CHIA: variants seen among roughly 807,000 people sequenced by gnomAD.
CHIA encodes chitinase acidic, also known as acidic mammalian chitinase.
A neutral mutation model predicts 53.5 loss-of-function variants in CHIA; 47 were observed. The ratio of observed to expected loss-of-function variants is 0.88; its 90% CI spans 0.70 to 1.12. The LOEUF (loss-of-function observed/expected upper bound fraction) is 1.12. Ranked by LOEUF, CHIA falls within the 50% of genes most tolerant of loss-of-function variation. CHIA has a pLI of 0.00. For synonymous variants in CHIA, 268 were observed against 222.2 expected (o/e 1.21, Z -1.83); for missense variants, 652 against 592.2 (o/e 1.10, Z -1.05).
chr1:111,293,832 T>G (rs1661177348), intron 1 of CHIA, among the ~76,000 whole-genome samples: 1 of 152,132 alleles, frequency 6.6e-6, no homozygotes, highest in Middle Eastern at 3.2e-3. Context: ...ATAACTCCAG[T>G]GCTTTGAGAG....
chr1:111,318,492 G>A lies in CHIA; in HGVS notation c.730-1G>A, dbSNP rs144676218. 1.9e-4 allele frequency: 302 copies of A among 1,612,448 alleles called. No homozygotes were observed. The highest frequency in any genetic ancestry group is 5.0e-4 in the Middle Eastern group (3 of 6,058). On this transcript the variant is annotated splice_acceptor_variant, in intron 8 of 11. Transcript: ENST00000369740. LOFTEE classifies it high-confidence loss of function. ...ATGTAACTAACCCACTGACATTGCA[G>A]GATTATGTCATGAACTACTGGAAGG... is the stretch of plus-strand genomic sequence containing the variant.
At position 111,315,455 on chromosome 1, in the gene CHIA, T is replaced by C. The variant is rs1424923100; in HGVS notation, c.480+20T>C. On this transcript the variant is annotated intron_variant, in intron 6 of 11. Coordinates refer to ENST00000369740, the MANE Select transcript of CHIA (RefSeq NM_201653.4). The stretch of plus-strand genomic sequence containing the variant: ...GTGCAGGTGGGGAAGGAAGTCCCAG[T>C]CTTTAGCCCAAAAAGATTCAAAGTC... 5.0e-6 allele frequency: 8 copies of C among 1,604,618 alleles called. No homozygotes were observed. In the South Asian group the frequency reaches 7.8e-5, roughly 16 times the overall value.
chr1:111,318,579 C>A lies in CHIA; in HGVS notation c.816C>A (p.Ile272=), dbSNP rs139093708. Residue 272 remains isoleucine (I), a synonymous_variant, in exon 9 of 12, where the codon ATC becomes ATA. Transcript: ENST00000369740. ...VGFPTYGHNF[I]LSNPSNTGIG... ...TCCCTACCTATGGACACAACTTCATCCTGAGCAACCCCTCCAACACTGGAA... is the reference window on the plus strand; with the variant it reads ...TCCCTACCTATGGACACAACTTCATACTGAGCAACCCCTCCAACACTGGAA... The A allele has an allele frequency of 5.4e-3, 8,641 of 1,614,194 alleles. 36 individuals are homozygous for A. Among genetic ancestry groups the A allele is most frequent in the Non-Finnish European group, 6.1e-3 (7,172 of 1,180,038 alleles).
At position 111,319,328 on chromosome 1, in the gene CHIA, C is replaced by T. The variant is rs758302367; in HGVS notation, c.1037C>T (p.Ala346Val). Residue 346 changes from alanine to valine, a missense_variant and splice_region_variant, in exon 11 of 12, where the codon GCT (alanine) becomes GTT (valine). By Grantham distance (64) the Ala-to-Val change is moderately conservative. Transcript: ENST00000369740. ...CTGTTATCCTCTTTCTTTAAACAGG[C>T]TCAATGGCTTAAGCACAACAAATTT... ...YDNIKSFDIK[A>V]QWLKHNKFGG... The T allele has an allele frequency of 4.3e-6, 7 of 1,614,104 alleles. No homozygotes were observed. Among genetic ancestry groups the T allele is most frequent in the Non-Finnish European group, 5.1e-6 (6 of 1,180,036 alleles).
intron 5 of CHIA, chr1:111,314,980 T>C (rs1288135992): frequency 2.4e-6 from 1 of 422,220 alleles, no homozygotes; most frequent in South Asian, 3.7e-5. Context: ...GGAGGGTACA[T>C]GTTTGGGGAG....
chr1:111,312,859 T>C (rs943830198), intron 4 of CHIA, among the ~76,000 whole-genome samples: 4 of 151,294 alleles, frequency 2.6e-5, no homozygotes, highest in African/African-American at 7.3e-5. Context: ...CTTCTATGAG[T>C]TCAACTTCTT....
chr1:111,312,323 C>T lies in CHIA; in HGVS notation c.189C>T (p.Asn63=). Residue 63 remains asparagine, a synonymous_variant, in exon 4 of 12, where the codon AAC becomes AAT. Coordinates refer to ENST00000369740, the MANE Select transcript of CHIA (RefSeq NM_201653.4). ...TCTACGCCTTTGCTGGGAGGCAGAA[C>T]AACGAGATCACCACCATCGAATGGA... The part of the protein sequence containing the change: ...HLIYAFAGRQ[N]NEITTIEWND... 6.2e-7 allele frequency: 1 copy of T among 1,614,144 alleles called. No homozygotes were observed.
chr1:111,304,554 A>C (rs190419531), intron 1 of CHIA, among the ~76,000 whole-genome samples: 52 of 152,238 alleles, frequency 3.4e-4, no homozygotes, highest in Admixed American at 6.5e-4. Flanking sequence ...CATTTCAGTT[A>C]TATTACTTTT....
intron 4 of CHIA, 82 bp from the exon 5 acceptor site, chr1:111,314,458 G>C: frequency 3.1e-6 from 3 of 959,634 alleles, no homozygotes; most frequent in Non-Finnish European, 5.0e-6. Flanking sequence ...TATCTGACCA[G>C]ATCCAACACT....
At position 111,320,477 on chromosome 1, in the gene CHIA, G is replaced by T. The variant is rs752790899; in HGVS notation, c.*11G>T. The T allele has an allele frequency of 6.2e-7, 1 of 1,610,178 alleles. No homozygotes were observed. The highest frequency in any genetic ancestry group is 1.1e-5 in the South Asian group (1 of 91,008). On this transcript the variant is annotated 3_prime_UTR_variant, in exon 12 of 12. Coordinates refer to ENST00000369740, the MANE Select transcript of CHIA (RefSeq NM_201653.4). Reference sequence around the variant, plus strand: ...TGCAACTGGGCATAAACCTGACCTGGTCTATATTCCCTAGAGTTCCAGTCT... The same window carrying T: ...TGCAACTGGGCATAAACCTGACCTGTTCTATATTCCCTAGAGTTCCAGTCT...
Position 111,317,469 on chromosome 1 carries a change from G to A in CHIA, c.481-212G>A. ...ACTCAGTGTGGGACTTTGGTGAAGT[G>A]TCCTAACTCTTATGCATATTAGATA... On this transcript the variant is annotated intron_variant, in intron 6 of 11. Coordinates refer to ENST00000369740, the MANE Select transcript of CHIA (RefSeq NM_201653.4). 10 of 506,830 alleles carry A rather than the reference G, an allele frequency of 2.0e-5. 1 individual carries two copies. In the South Asian group the frequency reaches 2.2e-4, roughly 11 times the overall value. 31.4% of individuals were successfully genotyped at this position (506,830 alleles called of 1,614,324 possible).
rs139802202 is a variant in CHIA at position 111,320,488 on chromosome 1, C to T, written c.*22C>T. ...ATAAACCTGACCTGGTCTATATTCCCTAGAGTTCCAGTCTCTTTTGCTTAG... is the reference window on the plus strand; with the variant it reads ...ATAAACCTGACCTGGTCTATATTCCTTAGAGTTCCAGTCTCTTTTGCTTAG... On this transcript the variant is annotated 3_prime_UTR_variant, in exon 12 of 12. Coordinates refer to ENST00000369740, the MANE Select transcript of CHIA (RefSeq NM_201653.4). 1,589 of 1,604,058 alleles carry T rather than the reference C, an allele frequency of 9.9e-4. 7 individuals are homozygous for T. The highest frequency in any genetic ancestry group is 6.9e-3 in the African/African-American group (518 of 74,878).
chr1:111,302,849 T>G (rs1415469521), intron 1 of CHIA, among the ~76,000 whole-genome samples: 2 of 152,160 alleles, frequency 1.3e-5, no homozygotes, highest in African/African-American at 2.4e-5. Flanking sequence ...AACGGGCTAT[T>G]GAAGTTTCCA....
rs771747939 is a variant in CHIA, at chr1:111,312,170, C to G, written c.56-20C>G. The G allele has an allele frequency of 3.1e-6, 5 of 1,606,228 alleles. No individual in the cohort carries two copies. The African/African-American group carries it at 5.3e-5, about 17-fold the overall frequency. On this transcript the variant is annotated intron_variant, in intron 3 of 11. Coordinates refer to ENST00000369740, the MANE Select transcript of CHIA (RefSeq NM_201653.4). ...TGGATCCTAAACCAGGCCATTGTCC[C>G]TCCTGCTGACTACACACAGGCTCTG...
intron 1 of CHIA, among the ~76,000 whole-genome samples, chr1:111,292,615 T>C (rs967294005): frequency 1.3e-5 from 2 of 152,218 alleles, no homozygotes; most frequent in Non-Finnish European, 2.9e-5. Flanking sequence ...AACTTAAATA[T>C]TTTAAGTGTA....
intron 4 of CHIA, among the ~76,000 whole-genome samples, chr1:111,314,248 T>A (rs577975913): frequency 2.0e-4 from 31 of 152,336 alleles, no homozygotes; most frequent in African/African-American, 7.5e-4. Context: ...GAATAGAATA[T>A]TATATTAGCT....
rs972283710 is a variant in CHIA, at chr1:111,319,231, G to T, written c.1027G>T (p.Asp343Tyr). 1.9e-6 allele frequency: 3 copies of T among 1,614,050 alleles called. No homozygotes were observed. In the African/African-American group the frequency reaches 4.0e-5, roughly 22 times the overall value. ...WVGYDNIKSF[D>Y]IKAQWLKHNK... Reference sequence around the variant, plus strand: ...TGGCTATGACAACATCAAGAGCTTCGATATTAAGGTAAGATCAGTCCCTTA... The same window carrying T: ...TGGCTATGACAACATCAAGAGCTTCTATATTAAGGTAAGATCAGTCCCTTA... The change falls in exon 10 of 12, where the codon GAT (aspartate) becomes TAT (tyrosine). Residue 343 changes from aspartate to tyrosine, a missense_variant. Coordinates refer to ENST00000369740, the MANE Select transcript of CHIA (RefSeq NM_201653.4).
intron 1 of CHIA, among the ~76,000 whole-genome samples, chr1:111,294,691 C>G (rs1661234483): frequency 6.6e-6 from 1 of 151,970 alleles, no homozygotes; most frequent in South Asian, 2.1e-4. Flanking sequence ...TCAAACATAG[C>G]TTTTATTATA....
chr1:111,307,305 A>G (rs1015189650), intron 1 of CHIA, among the ~76,000 whole-genome samples: 3 of 152,222 alleles, frequency 2.0e-5, no homozygotes, highest in Non-Finnish European at 4.4e-5. Flanking sequence ...TACCAAGTGG[A>G]TAAATCTCAA....
Sources: allele counts gnomAD v4.1 joint callset (sites outside exome capture counted in the v4.1 genomes callset), GRCh38; gene constraint gnomAD v4.1.1; transcripts MANE v1.5; gene names NCBI Gene and HGNC (gene_info 2026-07-23, HGNC 2026-07-21).